Variants in RAD51B observed in about 807,000 individuals in gnomAD.
RAD51B encodes RAD51 paralog B.
Under a neutral mutation model 42.2 loss-of-function variants are expected in RAD51B, and 38 were observed. The observed-to-expected ratio is 0.90, with a 90% CI of 0.70 to 1.18. The LOEUF (loss-of-function observed/expected upper bound fraction) is 1.18, where lower values mean the gene tolerates loss of function less well. Ranked by LOEUF, RAD51B falls within the 50% of genes most tolerant of loss-of-function variation. RAD51B has a pLI of 0.00. For missense variants in RAD51B, 373 were observed against 400.7 expected (o/e 0.93, Z 0.59); for synonymous variants, 154 against 145.2 (o/e 1.06, Z -0.43).
intron 7 of RAD51B, among the ~76,000 whole-genome samples, chr14:68,262,134 A>G (rs1276532365): frequency 6.6e-6 from 1 of 152,206 alleles, no homozygotes; most frequent in Non-Finnish European, 1.5e-5. Flanking sequence ...TGAATGTTGC[A>G]GCATGTGTGT....
At chr14:68,220,746 T>C (rs561912302) in intron 7 of RAD51B, among the ~76,000 whole-genome samples, 1 of 152,208 alleles carries the variant, frequency 6.6e-6, no homozygotes, top group South Asian at 2.1e-4. Flanking sequence ...AACTGATAAA[T>C]GAATTCAGCA....
At chr14:67,924,382 C>T (rs1235525017) in intron 7 of RAD51B, among the ~76,000 whole-genome samples, 1 of 152,106 alleles carries the variant, frequency 6.6e-6, no homozygotes, top group Non-Finnish European at 1.5e-5. Context: ...AGTCTTTGAT[C>T]CATTTTGACC....
chr14:68,041,759 T>C (rs2140397044), intron 7 of RAD51B, among the ~76,000 whole-genome samples: 1 of 152,332 alleles, frequency 6.6e-6, no homozygotes, highest in South Asian at 2.1e-4. Context: ...TCTTAGCTTC[T>C]TTTCCTTCTC....
chr14:68,422,685 G>A (rs1249604135), intron 9 of RAD51B, among the ~76,000 whole-genome samples: 1 of 152,038 alleles, frequency 6.6e-6, no homozygotes, highest in East Asian at 1.9e-4. Context: ...ATGTTAGTCT[G>A]ATTATGTTAC....
intron 7 of RAD51B, among the ~76,000 whole-genome samples, chr14:68,289,329 A>G (rs2081473011): frequency 6.6e-6 from 1 of 152,234 alleles, no homozygotes; most frequent in South Asian, 2.1e-4. Context: ...ATATTATTTT[A>G]CCTATGAACA....
intron 7 of RAD51B, among the ~76,000 whole-genome samples, chr14:67,974,227 G>A (rs1015483024): frequency 6.6e-6 from 1 of 152,012 alleles, no homozygotes; most frequent in African/African-American, 2.4e-5. Context: ...TAGACAAATG[G>A]GACCAGGCTA....
intron 7 of RAD51B, among the ~76,000 whole-genome samples, chr14:68,248,684 T>C (rs1236981392): frequency 2.0e-5 from 3 of 152,200 alleles, no homozygotes; most frequent in Admixed American, 6.5e-5. Context: ...CTACATGAGA[T>C]TGGACCAACC....
At chr14:68,548,080 G>A (rs1055282093) in intron 10 of RAD51B, among the ~76,000 whole-genome samples, 4 of 152,240 alleles carry the variant, frequency 2.6e-5, no homozygotes, top group Admixed American at 2.6e-4. Flanking sequence ...GAGGGAGGCA[G>A]AGGAGGAAGG....
rs11851651 is a variant in RAD51B at position 68,352,999 on chromosome 14, A to G, written c.854-58425A>G. 9.6e-3 allele frequency among the ~76,000 whole-genome samples: 1,458 copies of G among 152,264 alleles called. 33 individuals are homozygous for G. Among genetic ancestry groups the G allele is most frequent in the African/African-American group, 0.033 (1,369 of 41,534 alleles). On this transcript the variant is annotated intron_variant, in intron 8 of 10. Coordinates refer to ENST00000471583, the MANE Select transcript of RAD51B (RefSeq NM_133510.4). ...AGTATAGTCATAAAACTTTTCCTCA[A>G]TGTTTCAGTCCTGAAGCAAGCGCAC...
intron 8 of RAD51B, among the ~76,000 whole-genome samples, chr14:68,356,264 C>G (rs557002487): frequency 1.3e-5 from 2 of 152,150 alleles, no homozygotes; most frequent in African/African-American, 4.8e-5. Flanking sequence ...AACCCCGTCT[C>G]TACTAAATAA....
intron 8 of RAD51B, among the ~76,000 whole-genome samples, chr14:68,388,970 C>T (rs1180051399): frequency 1.3e-5 from 2 of 152,144 alleles, no homozygotes; most frequent in African/African-American, 4.8e-5. Flanking sequence ...ATTTCTCTTC[C>T]CATTTTTATG....
intron 10 of RAD51B, among the ~76,000 whole-genome samples, chr14:68,469,495 T>A (rs2086068999): frequency 6.6e-6 from 1 of 152,260 alleles, no homozygotes; most frequent in Non-Finnish European, 1.5e-5. Context: ...AGCCTTTGAC[T>A]TATGCTATCC....
At position 67,873,781 on chromosome 14, in the gene RAD51B, C is replaced by G. The variant is rs1012499858; in HGVS notation, c.452+8642C>G. Among the ~76,000 whole-genome samples the G allele has an allele frequency of 2.7e-4, 39 of 146,100 alleles. 1 individual carries two copies. The South Asian group carries it at 5.4e-3, about 20-fold the overall frequency. On this transcript the variant is annotated intron_variant, in intron 5 of 10. Transcript: ENST00000471583. ...CCATAAAAAATGATGAGTTCATGTCCTTTGTAGGGACATGGATGAAATTGG... is the reference window on the plus strand; with the variant it reads ...CCATAAAAAATGATGAGTTCATGTCGTTTGTAGGGACATGGATGAAATTGG...
At chr14:68,619,830 C>A (rs1474481506) in intron 10 of RAD51B, among the ~76,000 whole-genome samples, 1 of 152,228 alleles carries the variant, frequency 6.6e-6, no homozygotes, top group African/African-American at 2.4e-5. Context: ...TTATTTTCTG[C>A]ATAGTGCACC....
Position 68,234,060 on chromosome 14 carries a change from A to G in RAD51B, c.757-57824A>G, listed in dbSNP as rs116972125. Among the ~76,000 whole-genome samples the G allele has an allele frequency of 2.8e-4, 43 of 152,346 alleles. No individual in the cohort carries two copies. The East Asian group carries it at 6.2e-3, about 22-fold the overall frequency. ...AAGGAACCAGTGGGAAAGCTGCTGT[A>G]TAGTCTGGAAGTGGTAGCAGTAAGA... On this transcript the variant is annotated intron_variant, in intron 7 of 10. Transcript: ENST00000471583.
At chr14:67,978,597 G>A (rs1158510039) in intron 7 of RAD51B, among the ~76,000 whole-genome samples, 1 of 152,186 alleles carries the variant, frequency 6.6e-6, no homozygotes, top group Non-Finnish European at 1.5e-5. Flanking sequence ...GTGTGAAGGA[G>A]GTGCAGAGGC....
intron 7 of RAD51B, among the ~76,000 whole-genome samples, chr14:67,889,022 G>T (rs878865687): frequency 6.6e-6 from 1 of 151,986 alleles, no homozygotes; most frequent in South Asian, 2.1e-4. Context: ...TTTTCCTAAG[G>T]TGATTTATTT....
At chr14:68,441,939 C>T (rs1258667960) in intron 9 of RAD51B, among the ~76,000 whole-genome samples, 4 of 152,194 alleles carry the variant, frequency 2.6e-5, no homozygotes, top group African/African-American at 4.8e-5. Flanking sequence ...ATTTGGCTGA[C>T]GACTTCCTCT....
At chr14:68,324,223 T>A (rs1443360869) in intron 8 of RAD51B, among the ~76,000 whole-genome samples, 1 of 152,206 alleles carries the variant, frequency 6.6e-6, no homozygotes, top group African/African-American at 2.4e-5. Flanking sequence ...GTCCACTCAG[T>A]GTTAGAATGG....
Sources: allele counts gnomAD v4.1 joint callset (sites outside exome capture counted in the v4.1 genomes callset), GRCh38; gene constraint gnomAD v4.1.1; transcripts MANE v1.5; gene names NCBI Gene and HGNC (gene_info 2026-07-23, HGNC 2026-07-21).